Variants in MED22 observed in about 807,000 individuals in gnomAD.
The protein encoded by MED22 is mediator of RNA polymerase II transcription subunit 22.
In MED22, 22 loss-of-function variants were observed where a neutral mutation model predicts 22.7. That is an observed-to-expected ratio of 0.97 (90% CI 0.69 to 1.38). The LOEUF (loss-of-function observed/expected upper bound fraction) is 1.38. Ranked by LOEUF, MED22 falls within the 40% of genes most tolerant of loss-of-function variation. The pLI is 0.00. For missense variants in MED22, 247 were observed against 263.0 expected (o/e 0.94, Z 0.42); for synonymous variants, 134 against 119.4 (o/e 1.12, Z -0.80).
At chr9:133,343,921 T>G in intron 4 of MED22, 1 of 1,434,772 alleles carries the variant, frequency 7.0e-7, no homozygotes, top group Non-Finnish European at 9.1e-7. Context: ...CATTGCACTG[T>G]GGGAAAGGCC....
At chr9:133,343,479 T>C (rs949984313) in intron 4 of MED22, 5 of 1,233,688 alleles carry the variant, frequency 4.1e-6, no homozygotes, top group Non-Finnish European at 5.1e-6. Flanking sequence ...GGATGATGGG[T>C]TTTGACCCTT....
chr9:133,345,334 A>G, intron 2 of MED22, 82 bp from the exon 3 acceptor site: 2 of 1,329,242 alleles, frequency 1.5e-6, no homozygotes, highest in Non-Finnish European at 2.1e-6. Context: ...GCTTACGGTA[A>G]CTGTCATCTA....
chr9:133,346,248 T>C (rs1411169560), intron 2 of MED22, among the ~76,000 whole-genome samples: 1 of 152,138 alleles, frequency 6.6e-6, no homozygotes, highest in African/African-American at 2.4e-5. Context: ...TCATTGGCTG[T>C]GTGCCAGGCC....
At chr9:133,347,792 C>T (rs930976182) in intron 1 of MED22, 130 bp downstream of exon 1, 2 of 207,164 alleles carry the variant, frequency 9.7e-6, no homozygotes, top group South Asian at 6.5e-5. Context: ...CCATTTTTGG[C>T]GGGGTGTGGG....
At chr9:133,345,839 G>A (rs2129966395) in intron 2 of MED22, among the ~76,000 whole-genome samples, 1 of 152,288 alleles carries the variant, frequency 6.6e-6, no homozygotes, top group Admixed American at 6.5e-5. Context: ...TACCCTCAGT[G>A]GTTAAGACCC....
chr9:133,343,819 T>A, intron 4 of MED22: 1 of 1,403,362 alleles, frequency 7.1e-7, no homozygotes, highest in Middle Eastern at 2.6e-4. Context: ...GGAGGAAGGC[T>A]CTCGGAAGAG....
Position 133,341,200 on chromosome 9 carries a change from G to A in MED22, c.*305C>T. On this transcript the variant is annotated 3_prime_UTR_variant, in exon 5 of 5. Coordinates refer to ENST00000343730, the MANE Select transcript of MED22 (RefSeq NM_133640.5). ...AAATCAGGCACCCTCCTGCCCCACT[G>A]CTGAGATCCCCAACGGGCCAGACCT... 1 of 288,044 alleles carries A rather than the reference G, an allele frequency of 3.5e-6. No individual in the cohort carries two copies. The highest frequency in any genetic ancestry group is 6.6e-5 in the South Asian group (1 of 15,106). The allele number at this position is 288,044 out of a possible 1,614,324, so 17.8% of individuals were successfully genotyped here. A position where few individuals can be genotyped will look rare whatever the true frequency, so the allele number is the denominator to read the frequency against.
chr9:133,343,014 C>T, intron 4 of MED22: 1 of 986,406 alleles, frequency 1.0e-6, no homozygotes, highest in South Asian at 4.7e-5. Flanking sequence ...ACCCCAGGAC[C>T]CCTCTCAGCC....
chr9:133,342,331 C>T (rs2129952858), intron 4 of MED22: 3 of 985,992 alleles, frequency 3.0e-6, no homozygotes, highest in African/African-American at 3.5e-5. Flanking sequence ...TGTGACAATC[C>T]ACGCTCGCCT....
intron 4 of MED22, chr9:133,342,332 A>G (rs1468950839): frequency 9.1e-6 from 9 of 985,738 alleles, no homozygotes; most frequent in Non-Finnish European, 1.1e-5. Flanking sequence ...GTGACAATCC[A>G]CGCTCGCCTC....
At position 133,341,498 on chromosome 9, in the gene MED22, C is replaced by T. The variant is rs181426768; in HGVS notation, c.*7G>A. The stretch of plus-strand genomic sequence containing the variant: ...TGTTCCTGAGAACGAAGCGTGGCCC[C>T]GGAGGCTCAGGCGTGCTCAGTGGGG... On this transcript the variant is annotated 3_prime_UTR_variant, in exon 5 of 5. Coordinates refer to ENST00000343730, the MANE Select transcript of MED22 (RefSeq NM_133640.5). 1.5e-4 allele frequency: 222 copies of T among 1,486,146 alleles called. 1 individual carries two copies. Among genetic ancestry groups the T allele is most frequent in the East Asian group, 5.7e-4 (21 of 37,160 alleles). 92.1% of individuals were successfully genotyped at this position (1,486,146 alleles called of 1,614,324 possible). A position where few individuals can be genotyped will look rare whatever the true frequency, so the allele number is the denominator to read the frequency against.
chr9:133,342,403 C>T (rs1338230853), intron 4 of MED22: 36 of 985,984 alleles, frequency 3.7e-5, no homozygotes, highest in Non-Finnish European at 4.3e-5. Flanking sequence ...CTGGCTTCCT[C>T]CCTTGCTCCT....
chr9:133,341,315 G>A lies in MED22; in HGVS notation c.*190C>T, dbSNP rs1292170871. The A allele has an allele frequency of 2.1e-5, 11 of 514,934 alleles. No homozygotes were observed. The highest frequency in any genetic ancestry group is 3.2e-5 in the Non-Finnish European group (10 of 309,084). 31.9% of individuals were successfully genotyped at this position (514,934 alleles called of 1,614,324 possible). On this transcript the variant is annotated 3_prime_UTR_variant, in exon 5 of 5. Transcript: ENST00000343730. ...TGATGGGCTATTCGGAAATGGCTAG[G>A]GAAACAACTGTTTCCCTACTGTCCT...
intron 3 of MED22, 114 bp from the exon 4 acceptor site, chr9:133,344,447 T>TGCAAAGTG: frequency 4.9e-6 from 5 of 1,025,464 alleles, no homozygotes; most frequent in Non-Finnish European, 7.3e-6. Context: ...CTTCCTCATC[T>TGCAAAGTG]GCAAAGTGGG....
chr9:133,341,059 A>G lies in MED22; in HGVS notation c.*446T>C, dbSNP rs1835988187. 1 of 156,974 alleles carries G rather than the reference A, an allele frequency of 6.4e-6. No homozygotes were observed. Among genetic ancestry groups the G allele is most frequent in the Non-Finnish European group, 1.4e-5 (1 of 71,194 alleles). The allele number at this position is 156,974 out of a possible 1,614,324, so 9.7% of individuals were successfully genotyped here. On this transcript the variant is annotated 3_prime_UTR_variant, in exon 5 of 5. Transcript: ENST00000343730. ...CAGACATATGTGGCTCAGGGCAAGA[A>G]CCAGTGGATGGGGCTCTGCACAGGA...
At chr9:133,343,207 T>G in intron 4 of MED22, 3 of 1,127,056 alleles carry the variant, frequency 2.7e-6, no homozygotes, top group Non-Finnish European at 3.3e-6. Context: ...GCTCCCAGCA[T>G]GGCCAATGGG....
chr9:133,346,611 A>AG lies in MED22; in HGVS notation c.51dup (p.Tyr18LeufsTer10). 1 of 1,612,432 alleles carries AG rather than the reference A, an allele frequency of 6.2e-7. No individual in the cohort carries two copies. Among genetic ancestry groups the AG allele is most frequent in the Non-Finnish European group, 8.5e-7 (1 of 1,179,866 alleles). On this transcript the variant is annotated frameshift_variant, in exon 2 of 5. Transcript: ENST00000343730. LOFTEE classifies it high-confidence loss of function. The stretch of plus-strand genomic sequence containing the variant: ...ATGTCGTCCTTCAGCCGCTTGTTGT[A>AG]GGACTGCAGCAGCGTCTCCTTGCTC...
intron 3 of MED22, 84 bp downstream of exon 3, chr9:133,345,086 CCA>C: frequency 7.3e-7 from 1 of 1,361,714 alleles, no homozygotes; most frequent in Non-Finnish European, 1.0e-6. Context: ...CAGACCAGCC[CCA>C]GAGCCCCCTC....
At chr9:133,343,020 C>T (rs1303546526) in intron 4 of MED22, 1 of 986,622 alleles carries the variant, frequency 1.0e-6, no homozygotes. Flanking sequence ...GGACCCCTCT[C>T]AGCCACCCTA....
Sources: gnomAD v4.1 joint callset for allele counts (sites outside exome capture counted in the v4.1 genomes callset) on GRCh38, gnomAD v4.1.1 for gene constraint, MANE v1.5 for transcripts, NCBI Gene and HGNC (gene_info 2026-07-23, HGNC 2026-07-21) for gene names.